DTNB: variants seen among roughly 807,000 people sequenced by gnomAD.
The protein encoded by DTNB is dystrobrevin beta.
DTNB carries 63 observed loss-of-function variants against 90.7 expected under a neutral mutation model. The observed-to-expected ratio is 0.69, with a 90% CI of 0.57 to 0.86. The LOEUF (loss-of-function observed/expected upper bound fraction) is 0.86. Among genes scored for constraint, DTNB ranks in the 40% least tolerant of loss-of-function variants. The pLI is 0.00. For synonymous variants in DTNB, 277 were observed against 286.7 expected, an observed-to-expected ratio of 0.97 and a Z score of 0.34; for missense variants, 744 against 807.1, an observed-to-expected ratio of 0.92 and a Z score of 0.95.
chr2:25,465,066 A>T (rs1039346306), intron 10 of DTNB, among the ~76,000 whole-genome samples: 7 of 152,164 alleles, frequency 4.6e-5, no homozygotes, highest in Non-Finnish European at 8.8e-5. Flanking sequence ...CCCAGGCAAC[A>T]TAAGTTAGCA....
chr2:25,662,043 C>G (rs2083278970), intron 1 of DTNB, among the ~76,000 whole-genome samples: 2 of 151,790 alleles, frequency 1.3e-5, no homozygotes, highest in Non-Finnish European at 2.9e-5. Flanking sequence ...GTAGTCCCAG[C>G]TACTCGGGAG....
chr2:25,627,069 A>T (rs1209759506), intron 4 of DTNB, among the ~76,000 whole-genome samples: 1 of 152,232 alleles, frequency 6.6e-6, no homozygotes, highest in Non-Finnish European at 1.5e-5. Flanking sequence ...AGATCTACTA[A>T]ACTATGTTCT....
chr2:25,520,436 C>T (rs1012632753), intron 9 of DTNB, among the ~76,000 whole-genome samples: 2 of 152,176 alleles, frequency 1.3e-5, no homozygotes, highest in African/African-American at 4.8e-5. Context: ...ACCATAAGTG[C>T]CCTTGTCACA....
intron 8 of DTNB, among the ~76,000 whole-genome samples, chr2:25,562,444 C>T (rs967377688): frequency 7.2e-5 from 11 of 152,148 alleles, no homozygotes; most frequent in African/African-American, 2.4e-4. Context: ...GGGTGTATAC[C>T]TAGGAGCAGA....
chr2:25,558,701 G>C (rs2151173682), intron 8 of DTNB, among the ~76,000 whole-genome samples: 1 of 152,300 alleles, frequency 6.6e-6, no homozygotes, highest in South Asian at 2.1e-4. Flanking sequence ...GCAGCTGTAA[G>C]TGGTTTTATG....
At chr2:25,499,880 T>C (rs1050936168) in intron 9 of DTNB, among the ~76,000 whole-genome samples, 1 of 152,166 alleles carries the variant, frequency 6.6e-6, no homozygotes, top group African/African-American at 2.4e-5. Context: ...GCTTTTATAA[T>C]TCTACTTACC....
At chr2:25,483,055 A>AG (rs1394826626) in intron 9 of DTNB, among the ~76,000 whole-genome samples, 182 bp from the exon 10 acceptor site, 22 of 147,212 alleles carry the variant, frequency 1.5e-4, no homozygotes, top group Admixed American at 2.7e-4. Context: ...GGACCCATGG[A>AG]GGGGGGGAAC....
chr2:25,661,373 G>A (rs577622303), intron 1 of DTNB, among the ~76,000 whole-genome samples: 1 of 152,316 alleles, frequency 6.6e-6, no homozygotes, highest in South Asian at 2.1e-4. Context: ...ATATAAGCAG[G>A]CGATTCACAG....
intron 16 of DTNB, among the ~76,000 whole-genome samples, chr2:25,412,883 CA>C (rs1188317192): frequency 2.0e-5 from 3 of 152,198 alleles, no homozygotes; most frequent in Non-Finnish European, 4.4e-5. Context: ...GCCCATAGCT[CA>C]AATGCACCAA....
At chr2:25,417,846 C>T (rs954453189) in intron 16 of DTNB, among the ~76,000 whole-genome samples, 2 of 152,170 alleles carry the variant, frequency 1.3e-5, no homozygotes, top group Admixed American at 6.5e-5. Flanking sequence ...CAGTCTCACT[C>T]ATTTGTCTAC....
At chr2:25,411,851 T>C (rs996592064) in intron 16 of DTNB, among the ~76,000 whole-genome samples, 4 of 152,192 alleles carry the variant, frequency 2.6e-5, no homozygotes, top group African/African-American at 9.7e-5. Context: ...GCTAAATAAA[T>C]AAATGAATGG....
chr2:25,420,471 T>A (rs374236082), intron 15 of DTNB, among the ~76,000 whole-genome samples: 264 of 38,864 alleles, frequency 6.8e-3, no homozygotes, highest in Middle Eastern at 0.026. Flanking sequence ...TAAATCAATC[T>A]ATCTATCTAT....
At chr2:25,527,875 T>C (rs973333839) in intron 9 of DTNB, among the ~76,000 whole-genome samples, 16 of 152,094 alleles carry the variant, frequency 1.1e-4, no homozygotes, top group South Asian at 2.1e-4. Flanking sequence ...TCCAAAAATA[T>C]GAAAAGAGAG....
intron 1 of DTNB, among the ~76,000 whole-genome samples, chr2:25,664,053 C>T (rs1217964648): frequency 2.6e-5 from 4 of 152,090 alleles, no homozygotes; most frequent in African/African-American, 9.7e-5. Context: ...TTTTAAATAT[C>T]TCAATTTATA....
intron 8 of DTNB, among the ~76,000 whole-genome samples, chr2:25,565,776 TGTTGTATAGTCC>T (rs1171913126): frequency 2.0e-5 from 3 of 152,188 alleles, no homozygotes; most frequent in Non-Finnish European, 4.4e-5. Context: ...CACTTGCTCA[TGTTGTATAGTCC>T]TTTGTATGTT....
intron 8 of DTNB, among the ~76,000 whole-genome samples, chr2:25,554,323 A>T (rs533186380): frequency 1.3e-5 from 2 of 152,286 alleles, no homozygotes; most frequent in Admixed American, 6.5e-5. Flanking sequence ...GTTTAATATC[A>T]TGGACAGAAT....
chr2:25,610,307 A>G (rs185251746), intron 4 of DTNB, among the ~76,000 whole-genome samples: 2 of 152,204 alleles, frequency 1.3e-5, no homozygotes, highest in Admixed American at 6.5e-5. Flanking sequence ...GTTTAGCTAC[A>G]CTTCCTTTTA....
At position 25,387,161 on chromosome 2, in the gene DTNB, A is replaced by G; in HGVS notation, c.1825+128T>C. On this transcript the variant is annotated intron_variant, in intron 18 of 20. Coordinates refer to ENST00000406818, the MANE Select transcript of DTNB (RefSeq NM_021907.5). This position sits in a 1 kb window ranked among gnomAD's most constrained non-coding sequence, Gnocchi z 4.5. ...GACATCCAGTGTGTTCCTAGAAGGCAAAGTTAGGTGATGAAATGGGGTGGT... is the reference window on the plus strand; with the variant it reads ...GACATCCAGTGTGTTCCTAGAAGGCGAAGTTAGGTGATGAAATGGGGTGGT... 1.2e-6 allele frequency: 1 copy of G among 820,964 alleles called. No individual in the cohort carries two copies. 50.9% of individuals were successfully genotyped at this position (820,964 alleles called of 1,614,324 possible). A position where few individuals can be genotyped will look rare whatever the true frequency, so the allele number is the denominator to read the frequency against.
chr2:25,482,994 C>T, intron 9 of DTNB, 121 bp from the exon 10 acceptor site: 1 of 1,004,810 alleles, frequency 1.0e-6, no homozygotes, highest in Non-Finnish European at 1.3e-6. Flanking sequence ...ACAGACGGAC[C>T]CATGGGGAGG....
Sources: gnomAD v4.1 joint callset for allele counts (sites outside exome capture counted in the v4.1 genomes callset) on GRCh38, gnomAD v4.1.1 for gene constraint, Gnocchi (gnomAD v3.1) non-coding constraint, MANE v1.5 for transcripts, NCBI Gene and HGNC (gene_info 2026-07-23, HGNC 2026-07-21) for gene names.